Variants in TBL1X observed in about 807,000 individuals in gnomAD.
The protein encoded by TBL1X is F-box-like/WD repeat-containing protein TBL1X.
TBL1X carries 10 observed loss-of-function variants against 50.7 expected under a neutral mutation model. The ratio of observed to expected loss-of-function variants is 0.20; its 90% CI spans 0.12 to 0.33. TBL1X has a LOEUF of 0.33. Ranked by LOEUF, TBL1X falls within the 10% of genes least tolerant of loss-of-function variation. The pLI is 1.00. For synonymous variants in TBL1X, 190 were observed against 214.7 expected, an observed-to-expected ratio of 0.88 and a Z score of 1.01; for missense variants, 340 against 504.4, an observed-to-expected ratio of 0.67 and a Z score of 3.12.
At chrX:9,501,483 T>G in intron 1 of TBL1X, among the ~76,000 whole-genome samples, 1 of 111,351 alleles carries the variant, frequency 9.0e-6, no homozygotes, top group Non-Finnish European at 1.9e-5. Context: ...CTTCTCTTGC[T>G]CCTTGGACCA....
chrX:9,528,860 A>G (rs1389791767), intron 2 of TBL1X, among the ~76,000 whole-genome samples: 8 of 109,642 alleles, frequency 7.3e-5, no homozygotes, highest in Non-Finnish European at 1.5e-4. Context: ...CACATTGCCC[A>G]TTCACTGGGG....
At chrX:9,621,359 C>T (rs2082666044) in intron 2 of TBL1X, among the ~76,000 whole-genome samples, 1 of 112,202 alleles carries the variant, frequency 8.9e-6, no homozygotes, top group African/African-American at 3.2e-5. Flanking sequence ...CTTGCATTTT[C>T]ACAGGGACTT....
intron 2 of TBL1X, among the ~76,000 whole-genome samples, chrX:9,623,997 A>G (rs1426045861): frequency 8.9e-6 from 1 of 112,388 alleles, no homozygotes; most frequent in Non-Finnish European, 1.9e-5. Context: ...TTTCCTGTTT[A>G]TAATTCCAAA....
Position 9,496,644 on chromosome X carries a change from T to A in TBL1X, c.-200-5136T>A, listed in dbSNP as rs561366407. On this transcript the variant is annotated intron_variant, in intron 1 of 17. Transcript: ENST00000645353. ...CTGTTTGAAATGAGGAGAACGCCTG[T>A]GTTTTGTTTGCTGAGAGAAATCCAC... Among the ~76,000 whole-genome samples, 43 of 112,085 alleles carry A rather than the reference T, an allele frequency of 3.8e-4. 1 individual carries two copies. The South Asian group carries it at 0.014, about 36-fold the overall frequency.
intron 2 of TBL1X, among the ~76,000 whole-genome samples, chrX:9,552,449 T>G (rs1263910435): frequency 2.7e-5 from 3 of 111,736 alleles, no homozygotes; most frequent in African/African-American, 9.8e-5. Context: ...GACGCTTGAT[T>G]CTTTGTATCA....
chrX:9,672,418 C>T (rs1378088150), intron 5 of TBL1X, among the ~76,000 whole-genome samples: 1 of 112,014 alleles, frequency 8.9e-6, no homozygotes, highest in Non-Finnish European at 1.9e-5. Flanking sequence ...GAACAGCAAG[C>T]GAGTTGTCTG....
intron 2 of TBL1X, among the ~76,000 whole-genome samples, chrX:9,517,832 C>T (rs914281401): frequency 5.4e-5 from 6 of 112,144 alleles, no homozygotes; most frequent in African/African-American, 9.7e-5. Context: ...AGACTGGGAG[C>T]GGCGGCTCAT....
At chrX:9,558,652 T>C (rs916356000) in intron 2 of TBL1X, among the ~76,000 whole-genome samples, 3 of 111,661 alleles carry the variant, frequency 2.7e-5, no homozygotes, top group Admixed American at 1.9e-4. Context: ...AGGCTGGACC[T>C]GGCCGTATGA....
At chrX:9,610,682 C>T (rs1242383149) in intron 2 of TBL1X, among the ~76,000 whole-genome samples, 1 of 112,178 alleles carries the variant, frequency 8.9e-6, no homozygotes, top group Non-Finnish European at 1.9e-5. Flanking sequence ...ATGTCAACTC[C>T]AGTTCTTTCT....
At chrX:9,704,644 G>A (rs914522054) in intron 12 of TBL1X, among the ~76,000 whole-genome samples, 4 of 111,566 alleles carry the variant, frequency 3.6e-5, no homozygotes, top group African/African-American at 1.3e-4. Flanking sequence ...TAACACTTTG[G>A]GAGGCCGAGG....
Position 9,711,662 on chromosome X carries a change from C to T in TBL1X, c.1491C>T (p.Cys497=). The T allele has an allele frequency of 8.3e-7, 1 of 1,209,949 alleles. No homozygotes were observed. Among genetic ancestry groups the T allele is most frequent in the Non-Finnish European group, 1.1e-6 (1 of 894,179 alleles). ...TGTGGGACATAGAACGAGGCGTCTG[C>T]ACCCACACGCTCACGAAGCATCAGG... ...VRLWDIERGV[C]THTLTKHQEP... is the part of the protein sequence containing the mutation. The change falls in exon 16 of 18, where the codon TGC becomes TGT. Residue 497 remains cysteine, a synonymous_variant. Transcript: ENST00000645353.
In TBL1X at chrX:9,711,728, C is replaced by T; in HGVS notation, c.1557C>T (p.Tyr519=). The part of the protein sequence containing the change: ...YSVAFSPDGK[Y]LASGSFDKCV... The stretch of plus-strand genomic sequence containing the variant: ...TAGCTTTCAGCCCTGATGGGAAGTA[C>T]TTGGCCAGTGGATCCTTCGACAAGT... Residue 519 remains tyrosine (Y), a synonymous_variant, in exon 16 of 18, where the codon TAC becomes TAT. Transcript: ENST00000645353. 8.3e-7 allele frequency: 1 copy of T among 1,207,886 alleles called. No homozygotes were observed. The highest frequency in any genetic ancestry group is 1.8e-5 in the South Asian group (1 of 56,539).
chrX:9,496,391 C>T (rs766499220), intron 1 of TBL1X, among the ~76,000 whole-genome samples: 3 of 112,772 alleles, frequency 2.7e-5, no homozygotes, highest in Non-Finnish European at 5.6e-5. Context: ...AAAGGAGCAT[C>T]GTGGATTTGC....
intron 2 of TBL1X, among the ~76,000 whole-genome samples, chrX:9,555,570 G>C: frequency 9.0e-6 from 1 of 111,387 alleles, no homozygotes; most frequent in Non-Finnish European, 1.9e-5. Context: ...TAGGAGTGGA[G>C]TTGCTGAGTC....
chrX:9,703,122 G>A (rs1471847788), intron 12 of TBL1X, among the ~76,000 whole-genome samples: 1 of 110,969 alleles, frequency 9.0e-6, no homozygotes, highest in Non-Finnish European at 1.9e-5. Context: ...TCAGGGTTCC[G>A]GACACGGGGC....
At chrX:9,596,508 G>C (rs1404529504) in intron 2 of TBL1X, among the ~76,000 whole-genome samples, 2 of 110,944 alleles carry the variant, frequency 1.8e-5, no homozygotes, top group Non-Finnish European at 3.8e-5. Flanking sequence ...GGTGGGTGGA[G>C]ACCAGGGATG....
chrX:9,594,874 T>C (rs767133600), intron 2 of TBL1X, among the ~76,000 whole-genome samples: 1 of 112,170 alleles, frequency 8.9e-6, no homozygotes, highest in East Asian at 2.8e-4. Context: ...GAATTGTCGG[T>C]GTATACCCGT....
intron 1 of TBL1X, among the ~76,000 whole-genome samples, chrX:9,482,162 T>C (rs1401590358): frequency 8.9e-6 from 1 of 112,347 alleles, no homozygotes; most frequent in Non-Finnish European, 1.9e-5. Flanking sequence ...CAAATTTTTC[T>C]TTCATTTCTA....
chrX:9,551,205 AG>A (rs1463685595), intron 2 of TBL1X, among the ~76,000 whole-genome samples: 2 of 111,126 alleles, frequency 1.8e-5, no homozygotes, highest in Non-Finnish European at 3.8e-5. Context: ...GCCTGTGCCC[AG>A]GGGATCAGTT....
Sources: allele counts gnomAD v4.1 joint callset (sites outside exome capture counted in the v4.1 genomes callset), GRCh38; gene constraint gnomAD v4.1.1; transcripts MANE v1.5; gene names NCBI Gene and HGNC (gene_info 2026-07-23, HGNC 2026-07-21).